CNNM1: variants seen among roughly 807,000 people sequenced by gnomAD.
CNNM1 encodes cyclin and CBS domain divalent metal cation transport mediator 1, also known as metal transporter CNNM1.
A neutral mutation model predicts 78.8 loss-of-function variants in CNNM1; 44 were observed. The ratio of observed to expected loss-of-function variants is 0.56; its 90% CI spans 0.44 to 0.72. The LOEUF is 0.72. Among genes scored for constraint, CNNM1 ranks in the 30% least tolerant of loss-of-function variants. The pLI, the probability that CNNM1 is intolerant of heterozygous loss-of-function variation, is 0.00. For synonymous variants in CNNM1, 584 were observed against 581.5 expected, an observed-to-expected ratio of 1.00 and a Z score of -0.06; for missense variants, 1,101 against 1,292.2, an observed-to-expected ratio of 0.85 and a Z score of 2.27.
chr10:99,368,042 G>C (rs2031682283), intron 6 of CNNM1, among the ~76,000 whole-genome samples: 2 of 152,236 alleles, frequency 1.3e-5, no homozygotes, highest in Non-Finnish European at 2.9e-5. Flanking sequence ...CATTAACACT[G>C]CTAGAGATAT....
At chr10:99,362,465 GCCTCC>G (rs2031472373) in intron 4 of CNNM1, 69 bp downstream of exon 4, 2 of 1,481,378 alleles carry the variant, frequency 1.4e-6, no homozygotes, top group South Asian at 2.6e-5. Context: ...AAATGGCCAT[GCCTCC>G]GTCAGCACCA....
At chr10:99,344,237 C>T (rs1480708406) in intron 1 of CNNM1, among the ~76,000 whole-genome samples, 36 of 148,280 alleles carry the variant, frequency 2.4e-4, no homozygotes, top group Admixed American at 3.4e-4. Flanking sequence ...GAGGCTGAGG[C>T]GGGAGAATCA....
chr10:99,378,424 G>A (rs1386480961), intron 7 of CNNM1, among the ~76,000 whole-genome samples: 1 of 152,226 alleles, frequency 6.6e-6, no homozygotes, highest in Admixed American at 6.5e-5. Context: ...CACCAGGGTG[G>A]AAGAAGGTCC....
chr10:99,339,028 G>C (rs2030324039), intron 1 of CNNM1, among the ~76,000 whole-genome samples: 1 of 152,182 alleles, frequency 6.6e-6, no homozygotes, highest in African/African-American at 2.4e-5. Flanking sequence ...ACAGGGGAAA[G>C]GAATAAAGCT....
At chr10:99,361,038 A>G in intron 3 of CNNM1, 63 bp downstream of exon 3, 2 of 1,461,234 alleles carry the variant, frequency 1.4e-6, no homozygotes, top group Non-Finnish European at 1.8e-6. Flanking sequence ...CCCAGGCACC[A>G]ATCGTTGTTA....
chr10:99,331,543 C>T (rs2029909670), intron 1 of CNNM1, among the ~76,000 whole-genome samples: 1 of 152,178 alleles, frequency 6.6e-6, no homozygotes, highest in Non-Finnish European at 1.5e-5. Context: ...CTTAATTTCC[C>T]ATCAGGTATT....
intron 3 of CNNM1, among the ~76,000 whole-genome samples, chr10:99,361,933 T>C (rs146918412): frequency 1.3e-4 from 20 of 152,220 alleles, no homozygotes; most frequent in African/African-American, 4.8e-4. Context: ...CAATTTTAAA[T>C]AAAATCAAAG....
At chr10:99,332,947 T>C (rs2029984056) in intron 1 of CNNM1, among the ~76,000 whole-genome samples, 1 of 152,204 alleles carries the variant, frequency 6.6e-6, no homozygotes, top group Non-Finnish European at 1.5e-5. Context: ...AGAAGTAGGG[T>C]CTTAGATCTG....
At position 99,329,913 on chromosome 10, in the gene CNNM1, G is replaced by C. The variant is rs749634699; in HGVS notation, c.526G>C (p.Gly176Arg). The C allele has an allele frequency of 2.1e-4, 293 of 1,384,396 alleles. No individual in the cohort carries two copies. Among genetic ancestry groups the C allele is most frequent in the Non-Finnish European group, 2.7e-4 (287 of 1,077,076 alleles). The allele number at this position is 1,384,396 out of a possible 1,614,324, so 85.8% of individuals were successfully genotyped here. The change falls in exon 1 of 11, where the codon GGC (glycine) becomes CGC (arginine). Residue 176 changes from glycine to arginine, a missense_variant. Gly to Arg is a moderately radical substitution (Grantham distance 125, BLOSUM62 -2). Transcript: ENST00000356713. ...ELRKGEAERG[G>R]AGGGGKLFSL... ...GCGCAAGGGCGAAGCGGAGCGGGGC[G>C]GCGCGGGCGGTGGCGGGAAGCTCTT...
chr10:99,356,584 G>GAAAGAA (rs2031203952), intron 1 of CNNM1, among the ~76,000 whole-genome samples: 2 of 63,442 alleles, frequency 3.2e-5, no homozygotes, highest in Non-Finnish European at 4.0e-5. Flanking sequence ...AAGAAAGAAA[G>GAAAGAA]AAAGAAAGAA....
At chr10:99,369,713 CGAT>C (rs2031739429) in intron 6 of CNNM1, among the ~76,000 whole-genome samples, 2 of 152,122 alleles carry the variant, frequency 1.3e-5, no homozygotes, top group African/African-American at 4.8e-5. Context: ...CTCTCTCTCT[CGAT>C]GGTGATTTTC....
chr10:99,335,823 G>A (rs1244440178), intron 1 of CNNM1, among the ~76,000 whole-genome samples: 1 of 152,188 alleles, frequency 6.6e-6, no homozygotes, highest in Non-Finnish European at 1.5e-5. Flanking sequence ...TGGTGAGGAC[G>A]TTCTTCCTGG....
rs757625485 is a variant in CNNM1, at chr10:99,391,449, G to A, written c.2789G>A (p.Arg930Lys). Residue 930 changes from arginine (R) to lysine (K), a missense_variant, in exon 11 of 11, where the codon AGG (arginine) becomes AAG (lysine). This residue lies in a region of CNNM1 where 348 missense variants were observed against 384.5 expected (regional missense o/e 0.90). Transcript: ENST00000356713. ...KLLRTLSGQK[R>K]KRSPEGERTS... ...TTGTTTTTTTCAGGTGGCCAAAAAAGGAAGAGGTCACCAGAAGGAGAGAGA... is the reference window on the plus strand; with the variant it reads ...TTGTTTTTTTCAGGTGGCCAAAAAAAGAAGAGGTCACCAGAAGGAGAGAGA... 13 of 1,613,696 alleles carry A rather than the reference G, an allele frequency of 8.1e-6. No homozygotes were observed. Among genetic ancestry groups the A allele is most frequent in the Non-Finnish European group, 1.0e-5 (12 of 1,179,802 alleles).
chr10:99,343,246 A>G (rs2030535134), intron 1 of CNNM1, among the ~76,000 whole-genome samples: 1 of 152,180 alleles, frequency 6.6e-6, no homozygotes, highest in Non-Finnish European at 1.5e-5. Flanking sequence ...TACAGGCATG[A>G]GCCACCGTGA....
chr10:99,359,060 T>G lies in CNNM1; in HGVS notation c.1717+1405T>G, dbSNP rs183646382. Among the ~76,000 whole-genome samples, 708 of 130,446 alleles carry G rather than the reference T, an allele frequency of 5.4e-3. 8 individuals are homozygous for G. Among genetic ancestry groups the G allele is most frequent in the African/African-American group, 0.018 (654 of 35,392 alleles). 85.6% of individuals were successfully genotyped at this position (130,446 alleles called of 152,430 possible). A position where few individuals can be genotyped will look rare whatever the true frequency, so the allele number is the denominator to read the frequency against. On this transcript the variant is annotated intron_variant, in intron 2 of 10. Transcript: ENST00000356713. ...AAAATCCCAGGTGTCTCAGATAAACTAGTGAAGCCATTCACACTAAGGTGT... is the reference window on the plus strand; with the variant it reads ...AAAATCCCAGGTGTCTCAGATAAACGAGTGAAGCCATTCACACTAAGGTGT...
chr10:99,363,852 C>T (rs1404149582), intron 4 of CNNM1, among the ~76,000 whole-genome samples: 1 of 146,000 alleles, frequency 6.8e-6, no homozygotes, highest in African/African-American at 2.5e-5. Context: ...TCAAGTGATT[C>T]TCCTGCCTCA....
intron 2 of CNNM1, among the ~76,000 whole-genome samples, chr10:99,360,230 G>T (rs1397606214): frequency 6.6e-6 from 1 of 152,172 alleles, no homozygotes; most frequent in Admixed American, 6.5e-5. Flanking sequence ...ATAAGAGGTG[G>T]TGGCCGCCCT....
chr10:99,367,778 TC>T (rs1433077110), intron 6 of CNNM1, among the ~76,000 whole-genome samples: 2 of 152,148 alleles, frequency 1.3e-5, no homozygotes, highest in East Asian at 3.9e-4. Flanking sequence ...TTCATTTAGC[TC>T]CTTAAAAAGG....
At chr10:99,389,378 T>C (rs939504747) in intron 9 of CNNM1, among the ~76,000 whole-genome samples, 6 of 140,514 alleles carry the variant, frequency 4.3e-5, no homozygotes, top group Non-Finnish European at 7.5e-5. Context: ...GATGGCGCCA[T>C]TGCACTCTAG....
Sources: gnomAD v4.1 joint callset for allele counts (sites outside exome capture counted in the v4.1 genomes callset) on GRCh38, gnomAD v4.1.1 for gene constraint, gnomAD v4.1.1 regional missense constraint, MANE v1.5 for transcripts, NCBI Gene and HGNC (gene_info 2026-07-23, HGNC 2026-07-21) for gene names.